The following PTPRD variants were observed in gnomAD, a reference collection of about 807,000 sequenced individuals.
PTPRD encodes the protein receptor-type tyrosine-protein phosphatase delta.
PTPRD carries 34 observed loss-of-function variants against 214.5 expected under a neutral mutation model. That is an observed-to-expected ratio of 0.16 (90% CI 0.12 to 0.21). The LOEUF (loss-of-function observed/expected upper bound fraction) is 0.21. PTPRD is among the 10% of genes least tolerant of loss of function. The pLI is 1.00. For missense variants in PTPRD, 2,545 were observed against 2,398.7 expected, an observed-to-expected ratio of 1.06 and a Z score of -1.27; for synonymous variants, 1,128 against 845.7, an observed-to-expected ratio of 1.33 and a Z score of -5.79.
At chr9:9,479,068 TG>T (rs1385571497) in intron 8 of PTPRD, among the ~76,000 whole-genome samples, 3 of 152,178 alleles carry the variant, frequency 2.0e-5, no homozygotes, top group Admixed American at 6.5e-5. Flanking sequence ...TTTTTCCTTA[TG>T]TTTTTTTTCT....
At chr9:9,173,224 T>G (rs1180427845) in intron 10 of PTPRD, among the ~76,000 whole-genome samples, 1 of 152,178 alleles carries the variant, frequency 6.6e-6, no homozygotes, top group African/African-American at 2.4e-5. Flanking sequence ...AAAAGTCACC[T>G]ACTCAGTTCA....
chr9:10,327,801 A>G (rs962170081), intron 3 of PTPRD, among the ~76,000 whole-genome samples: 2 of 151,708 alleles, frequency 1.3e-5, no homozygotes, highest in African/African-American at 2.4e-5. Context: ...CTAGAACTCA[A>G]ACCAATGCCA....
In PTPRD at chr9:8,418,061, T is replaced by C. The variant is rs185690813; in HGVS notation, c.4087-13401A>G. On this transcript the variant is annotated intron_variant, in intron 35 of 45. Coordinates refer to ENST00000381196, the MANE Select transcript of PTPRD (RefSeq NM_002839.4). Reference sequence around the variant, plus strand: ...GCCATGTTGTGGTGCTCAGGGTACATACCAACTCAATATAAATATTGGATT... The same window carrying C: ...GCCATGTTGTGGTGCTCAGGGTACACACCAACTCAATATAAATATTGGATT... Among the ~76,000 whole-genome samples the C allele has an allele frequency of 3.6e-4, 55 of 152,294 alleles. 1 individual carries two copies. In the East Asian group the frequency reaches 8.1e-3, roughly 22 times the overall value.
At chr9:9,109,622 G>A (rs1383138738) in intron 10 of PTPRD, among the ~76,000 whole-genome samples, 1 of 152,112 alleles carries the variant, frequency 6.6e-6, no homozygotes, top group Non-Finnish European at 1.5e-5. Flanking sequence ...GCCACAAAGA[G>A]CTCAGTCTGG....
At chr9:10,537,083 T>C (rs898721449) in intron 2 of PTPRD, among the ~76,000 whole-genome samples, 1 of 152,168 alleles carries the variant, frequency 6.6e-6, no homozygotes, top group Admixed American at 6.6e-5. Context: ...ATTTGCTCCT[T>C]TTTAGAGATA....
chr9:10,351,086 T>A (rs1051729476), intron 2 of PTPRD, among the ~76,000 whole-genome samples: 8 of 152,044 alleles, frequency 5.3e-5, no homozygotes, highest in African/African-American at 1.9e-4. Flanking sequence ...AAAAGAGAAG[T>A]CATGATACAT....
At chr9:9,433,050 G>T (rs1291130022) in intron 8 of PTPRD, among the ~76,000 whole-genome samples, 1 of 152,168 alleles carries the variant, frequency 6.6e-6, no homozygotes, top group Non-Finnish European at 1.5e-5. Flanking sequence ...ATAAGAGTGT[G>T]TGTGTTAGGA....
chr9:8,494,603 C>G (rs1016810326), intron 26 of PTPRD, among the ~76,000 whole-genome samples: 2 of 152,242 alleles, frequency 1.3e-5, no homozygotes, highest in Non-Finnish European at 2.9e-5. Context: ...GAAAAAGCAG[C>G]AAGGCTTGCT....
In PTPRD at chr9:8,509,251, A is replaced by C. The variant is rs1198058373; in HGVS notation, c.1544-1817T>G. 3.3e-5 allele frequency among the ~76,000 whole-genome samples: 5 copies of C among 152,220 alleles called. No homozygotes were observed. In the East Asian group the frequency reaches 9.6e-4, roughly 29 times the overall value. ...CTGCAAAGCAAATGGAAAATGCATTATTTCTAAAAGGGAAATACCAAAAGC... is the reference window on the plus strand; with the variant it reads ...CTGCAAAGCAAATGGAAAATGCATTCTTTCTAAAAGGGAAATACCAAAAGC... On this transcript the variant is annotated intron_variant, in intron 21 of 45. Transcript: ENST00000381196.
chr9:9,232,463 A>G (rs1444135835), intron 9 of PTPRD, among the ~76,000 whole-genome samples: 4 of 152,190 alleles, frequency 2.6e-5, no homozygotes, highest in African/African-American at 7.2e-5. Flanking sequence ...GCAATTCACA[A>G]TAATGAAGCT....
intron 5 of PTPRD, among the ~76,000 whole-genome samples, chr9:9,932,264 C>A (rs182192873): frequency 2.0e-5 from 3 of 148,598 alleles, no homozygotes; most frequent in South Asian, 2.1e-4. Flanking sequence ...AGGCTTCAGA[C>A]GATCAAATTA....
chr9:8,436,742 T>A lies in PTPRD; in HGVS notation c.3989-53A>T, dbSNP rs980465579. ...ATTTGAAAACAAATGAAAATGATGC[T>A]AACTATTCCAAAATATAGAGAATAC... On this transcript the variant is annotated intron_variant, in intron 34 of 45. Coordinates refer to ENST00000381196, the MANE Select transcript of PTPRD (RefSeq NM_002839.4). 142 of 1,368,144 alleles carry A rather than the reference T, an allele frequency of 1.0e-4. No homozygotes were observed. The Admixed American group carries it at 2.4e-3, about 23-fold the overall frequency. 84.8% of individuals were successfully genotyped at this position (1,368,144 alleles called of 1,614,324 possible).
chr9:9,352,130 G>A (rs762138114), intron 9 of PTPRD, among the ~76,000 whole-genome samples: 4 of 151,670 alleles, frequency 2.6e-5, no homozygotes, highest in Non-Finnish European at 5.9e-5. Flanking sequence ...TTATCAGCTT[G>A]ATTTTTGTCC....
At chr9:9,976,270 C>A (rs928461898) in intron 4 of PTPRD, among the ~76,000 whole-genome samples, 3 of 152,076 alleles carry the variant, frequency 2.0e-5, no homozygotes, top group South Asian at 4.1e-4. Flanking sequence ...TAACTCCCAG[C>A]CATTTTAAAT....
intron 3 of PTPRD, among the ~76,000 whole-genome samples, chr9:10,224,247 A>T (rs1036023955): frequency 6.6e-6 from 1 of 151,986 alleles, no homozygotes; most frequent in Non-Finnish European, 1.5e-5. Flanking sequence ...AACATCTACC[A>T]TATGAGGTAT....
Position 8,460,499 on chromosome 9 carries a change from C to T in PTPRD, c.3787G>A (p.Glu1263Lys), listed in dbSNP as rs764587066. ...ACAACCCAGATCAAGCCTTCTTCTTCATCCGTGATTGGCTGCGGATCCAGA... is the reference window on the plus strand; with the variant it reads ...ACAACCCAGATCAAGCCTTCTTCTTTATCCGTGATTGGCTGCGGATCCAGA... The part of the protein sequence containing the change: ...MDLDPQPITD[E>K]EEGLIWVVGP... The change falls in exon 33 of 46, where the codon GAA becomes AAA. Residue 1263 changes from glutamate (E) to lysine (K), a missense_variant. Transcript: ENST00000381196. 1 of 1,613,596 alleles carries T rather than the reference C, an allele frequency of 6.2e-7. No individual in the cohort carries two copies. The highest frequency in any genetic ancestry group is 8.5e-7 in the Non-Finnish European group (1 of 1,179,666).
intron 12 of PTPRD, among the ~76,000 whole-genome samples, chr9:8,714,234 T>C (rs1250212677): frequency 6.6e-6 from 1 of 152,224 alleles, no homozygotes; most frequent in Non-Finnish European, 1.5e-5. Context: ...TTATTTTCCA[T>C]ATTGTAATCA....
chr9:10,244,168 A>C (rs1043593876), intron 3 of PTPRD, among the ~76,000 whole-genome samples: 1 of 152,060 alleles, frequency 6.6e-6, no homozygotes, highest in Non-Finnish European at 1.5e-5. Context: ...ATTAAAATCA[A>C]CCTGCCTGTG....
rs534166703 is a variant in PTPRD, at chr9:8,906,561, A to G, written c.-104+112136T>C. Among the ~76,000 whole-genome samples, 8 of 152,320 alleles carry G rather than the reference A, an allele frequency of 5.3e-5. No individual in the cohort carries two copies. In the South Asian group the frequency reaches 1.4e-3, roughly 28 times the overall value. On this transcript the variant is annotated intron_variant, in intron 11 of 45. Transcript: ENST00000381196. ...AGAAATATTTAAAAATTAAGACATC[A>G]TCCTATACAAAAATGTAAAAAGTAA...
Sources: gnomAD v4.1 joint callset for allele counts (sites outside exome capture counted in the v4.1 genomes callset) on GRCh38, gnomAD v4.1.1 for gene constraint, MANE v1.5 for transcripts, NCBI Gene and HGNC (gene_info 2026-07-23, HGNC 2026-07-21) for gene names.